The following ZNF385D variants were observed in gnomAD, a reference collection of about 807,000 sequenced individuals.
ZNF385D encodes zinc finger protein 659.
In ZNF385D, 15 loss-of-function variants were observed where a neutral mutation model predicts 35.8. The ratio of observed to expected loss-of-function variants is 0.42; its 90% CI spans 0.28 to 0.64. The LOEUF is 0.64. Among genes scored for constraint, ZNF385D ranks in the 30% least tolerant of loss-of-function variants. The pLI is 0.23. For missense variants in ZNF385D, 474 were observed against 494.6 expected, an observed-to-expected ratio of 0.96 and a Z score of 0.39; for synonymous variants, 212 against 186.8, an observed-to-expected ratio of 1.13 and a Z score of -1.10.
chr3:21,679,414 G>C (rs996771694), intron 1 of ZNF385D, among the ~76,000 whole-genome samples: 16 of 152,068 alleles, frequency 1.1e-4, no homozygotes, highest in Non-Finnish European at 1.9e-4. Flanking sequence ...ATTTGATTCT[G>C]AGTTAAGCTT....
chr3:21,422,790 C>G (rs980748190), intron 7 of ZNF385D, among the ~76,000 whole-genome samples: 10 of 152,120 alleles, frequency 6.6e-5, no homozygotes, highest in African/African-American at 2.2e-4. Flanking sequence ...ATTCAACACC[C>G]CTTCATGATA....
intron 2 of ZNF385D, among the ~76,000 whole-genome samples, chr3:22,308,004 C>G (rs1453308995): frequency 6.6e-6 from 1 of 151,938 alleles, no homozygotes; most frequent in Non-Finnish European, 1.5e-5. Context: ...TAATCAAATT[C>G]CATACTATAA....
intron 3 of ZNF385D, among the ~76,000 whole-genome samples, chr3:21,515,186 C>T (rs937923860): frequency 1.3e-5 from 2 of 152,096 alleles, no homozygotes; most frequent in African/African-American, 4.8e-5. Context: ...TTGAAACATG[C>T]TCATGCACAT....
chr3:21,801,738 C>G (rs1447298392), intron 3 of ZNF385D, among the ~76,000 whole-genome samples: 1 of 152,124 alleles, frequency 6.6e-6, no homozygotes, highest in Non-Finnish European at 1.5e-5. Context: ...ATCTTGGCTT[C>G]CAGCTGAAAA....
chr3:21,618,003 T>A (rs900562289), intron 2 of ZNF385D, among the ~76,000 whole-genome samples: 1 of 152,206 alleles, frequency 6.6e-6, no homozygotes, highest in Non-Finnish European at 1.5e-5. Context: ...GCTAGATTCC[T>A]GGTACAATTA....
intron 1 of ZNF385D, among the ~76,000 whole-genome samples, chr3:21,679,800 G>C (rs2066844110): frequency 6.6e-6 from 1 of 152,214 alleles, no homozygotes; most frequent in South Asian, 2.1e-4. Context: ...GACCTCGATA[G>C]AACTGTTAGT....
At chr3:22,183,782 C>T (rs1380545147) in intron 2 of ZNF385D, among the ~76,000 whole-genome samples, 1 of 151,580 alleles carries the variant, frequency 6.6e-6, no homozygotes, top group African/African-American at 2.4e-5. Context: ...TGGAACTTGG[C>T]AAAATGGAGG....
intron 2 of ZNF385D, among the ~76,000 whole-genome samples, chr3:22,330,963 C>T (rs907882182): frequency 6.6e-6 from 1 of 152,160 alleles, no homozygotes; most frequent in African/African-American, 2.4e-5. Context: ...TGGCTATGTC[C>T]ACCTTATTGT....
intron 2 of ZNF385D, among the ~76,000 whole-genome samples, chr3:22,243,166 T>C (rs896817801): frequency 5.3e-5 from 8 of 150,452 alleles, no homozygotes; most frequent in Middle Eastern, 3.4e-3. Flanking sequence ...AAAATAACAC[T>C]TGCAACCCAA....
At chr3:22,337,012 T>C (rs776387585) in intron 2 of ZNF385D, among the ~76,000 whole-genome samples, 2 of 150,370 alleles carry the variant, frequency 1.3e-5, no homozygotes, top group Non-Finnish European at 3.0e-5. Flanking sequence ...TTATATAAAA[T>C]TATTCAAATA....
chr3:21,583,714 ATTG>A (rs1050428658), intron 2 of ZNF385D, among the ~76,000 whole-genome samples: 18 of 151,574 alleles, frequency 1.2e-4, no homozygotes, highest in Non-Finnish European at 1.9e-4. Flanking sequence ...TAAATATTGT[ATTG>A]TTATGTTACT....
chr3:21,836,177 G>T (rs1261076152), intron 3 of ZNF385D, among the ~76,000 whole-genome samples: 1 of 30,016 alleles, frequency 3.3e-5, no homozygotes, highest in African/African-American at 3.3e-4. Flanking sequence ...TTAGTCTTCT[G>T]ACTCTTCAAA....
intron 2 of ZNF385D, among the ~76,000 whole-genome samples, chr3:22,307,006 C>A (rs1276710269): frequency 6.6e-6 from 1 of 152,160 alleles, no homozygotes; most frequent in Non-Finnish European, 1.5e-5. Flanking sequence ...TAACATAATA[C>A]CCCATTGATG....
At chr3:22,237,888 C>T (rs189056323) in intron 2 of ZNF385D, among the ~76,000 whole-genome samples, 13 of 147,966 alleles carry the variant, frequency 8.8e-5, no homozygotes, top group African/African-American at 2.0e-4. Flanking sequence ...GTGATCTGCC[C>T]GCCACAACCT....
chr3:21,910,559 A>G (rs1369483691), intron 3 of ZNF385D, among the ~76,000 whole-genome samples: 1 of 151,956 alleles, frequency 6.6e-6, no homozygotes, highest in African/African-American at 2.4e-5. Flanking sequence ...TGCTCTAATG[A>G]GCCAAAAGCC....
chr3:21,620,626 AG>A (rs1180676360), intron 2 of ZNF385D, among the ~76,000 whole-genome samples: 2 of 152,108 alleles, frequency 1.3e-5, no homozygotes, highest in East Asian at 3.9e-4. Flanking sequence ...TTTCAATCTC[AG>A]CCCCCTAAGG....
chr3:21,462,101 C>A (rs1362943989), intron 4 of ZNF385D, among the ~76,000 whole-genome samples: 1 of 152,168 alleles, frequency 6.6e-6, no homozygotes, highest in African/African-American at 2.4e-5. Flanking sequence ...TGTTCAGTAG[C>A]AAAACATACA....
At chr3:21,830,573 G>A (rs1694926339) in intron 3 of ZNF385D, among the ~76,000 whole-genome samples, 1 of 152,170 alleles carries the variant, frequency 6.6e-6, no homozygotes, top group South Asian at 2.1e-4. Context: ...ATTCTTACTT[G>A]GTATTTGTTT....
rs980391019 is a variant in ZNF385D, at chr3:21,988,750, G to A, written c.325+180067C>T. Among the ~76,000 whole-genome samples the A allele has an allele frequency of 7.2e-3, 1,099 of 151,854 alleles. 21 individuals carry two copies. Among genetic ancestry groups the A allele is most frequent in the African/African-American group, 0.024 (1,001 of 41,482 alleles). On this transcript the variant is annotated intron_variant, in intron 3 of 5. Transcript: ENST00000494108. Reference sequence around the variant, plus strand: ...TACCTAAGCAAGCCTGGGCAATGGCGGGCGCCCCTCCCCCAGCCTCGCTGC... The same window carrying A: ...TACCTAAGCAAGCCTGGGCAATGGCAGGCGCCCCTCCCCCAGCCTCGCTGC...
Sources: gnomAD v4.1 joint callset for allele counts (sites outside exome capture counted in the v4.1 genomes callset) on GRCh38, gnomAD v4.1.1 for gene constraint, MANE v1.5 for transcripts, NCBI Gene and HGNC (gene_info 2026-07-23, HGNC 2026-07-21) for gene names.